SHISAL1: variants seen among roughly 807,000 people sequenced by gnomAD.
The protein encoded by SHISAL1 is protein shisa-like-1.
Under a neutral mutation model 22.6 loss-of-function variants are expected in SHISAL1, and 9 were observed. The ratio of observed to expected loss-of-function variants is 0.40; its 90% confidence interval spans 0.24 to 0.70. SHISAL1 has a LOEUF of 0.70. Ranked by LOEUF, SHISAL1 falls within the 30% of genes least tolerant of loss-of-function variation. The probability of loss-of-function intolerance (pLI) is 0.39; values close to 1 mark genes in which losing one functional copy is unlikely to be tolerated. For synonymous variants in SHISAL1, 119 were observed against 115.4 expected (o/e 1.03, Z -0.20); for missense variants, 246 against 270.6 (o/e 0.91, Z 0.64).
At chr22:44,285,117 C>A (rs2055303857) in intron 4 of SHISAL1, among the ~76,000 whole-genome samples, 1 of 152,186 alleles carries the variant, frequency 6.6e-6, no homozygotes, top group Non-Finnish European at 1.5e-5. Context: ...TTCCCCTTTG[C>A]CTTGGCAGCT....
intron 4 of SHISAL1, among the ~76,000 whole-genome samples, chr22:44,268,596 G>A (rs1266945635): frequency 1.3e-5 from 2 of 152,220 alleles, no homozygotes; most frequent in African/African-American, 2.4e-5. Flanking sequence ...CCCCCCAGAA[G>A]ACTCAGTCCA....
chr22:44,315,874 C>T (rs958729142), upstream of SHISAL1, among the ~76,000 whole-genome samples: 1 of 152,050 alleles, frequency 6.6e-6, no homozygotes, highest in Non-Finnish European at 1.5e-5. Flanking sequence ...GGCAGCAGTT[C>T]CCCGGCCTCA....
At chr22:44,265,212 A>T (rs1000758956) in intron 4 of SHISAL1, among the ~76,000 whole-genome samples, 1 of 152,148 alleles carries the variant, frequency 6.6e-6, no homozygotes, top group African/African-American at 2.4e-5. Flanking sequence ...ATGGGGACGG[A>T]GGCAAGTGGC....
At chr22:44,286,880 C>T (rs1211644033) in intron 3 of SHISAL1, among the ~76,000 whole-genome samples, 1 of 152,210 alleles carries the variant, frequency 6.6e-6, no homozygotes, top group Non-Finnish European at 1.5e-5. Context: ...ACTCCGGCGC[C>T]GCCTCCGTCT....
chr22:44,253,425 ATGTTT>A (rs1434242851), intron 4 of SHISAL1, among the ~76,000 whole-genome samples: 63 of 107,872 alleles, frequency 5.8e-4, no homozygotes, highest in African/African-American at 1.9e-3. Flanking sequence ...GTATTAGTGC[ATGTTT>A]TTTTTTTTTT....
chr22:44,300,567 C>T (rs566412169), intron 2 of SHISAL1, among the ~76,000 whole-genome samples: 15 of 152,320 alleles, frequency 9.8e-5, no homozygotes, highest in Non-Finnish European at 1.9e-4. Context: ...ACTGCCTAAC[C>T]TTGTCTCGCA....
intron 1 of SHISAL1, among the ~76,000 whole-genome samples, chr22:44,311,724 C>T (rs1201204615): frequency 6.6e-6 from 1 of 152,214 alleles, no homozygotes; most frequent in Non-Finnish European, 1.5e-5. Flanking sequence ...GCCCTAGATG[C>T]CCCACTGTCC....
At chr22:44,250,900 A>G (rs1163867642) in intron 4 of SHISAL1, among the ~76,000 whole-genome samples, 2 of 152,242 alleles carry the variant, frequency 1.3e-5, no homozygotes, top group Non-Finnish European at 2.9e-5. Flanking sequence ...CGACCAAGCC[A>G]GCAAAGCCCA....
chr22:44,288,842 C>T (rs943950921), intron 3 of SHISAL1, among the ~76,000 whole-genome samples: 1 of 152,222 alleles, frequency 6.6e-6, no homozygotes, highest in African/African-American at 2.4e-5. Context: ...ACCCTGCATT[C>T]TCAAAGCCAC....
chr22:44,253,935 G>C (rs531559683), intron 4 of SHISAL1, among the ~76,000 whole-genome samples: 1 of 151,796 alleles, frequency 6.6e-6, no homozygotes, highest in South Asian at 2.1e-4. Context: ...CACAAAGAAA[G>C]TAAATTCCAA....
At chr22:44,313,676 C>G (rs1024105436), upstream of SHISAL1, among the ~76,000 whole-genome samples, 1 of 151,996 alleles carries the variant, frequency 6.6e-6, no homozygotes. Context: ...GTGCCAGGCA[C>G]CCCCCCAGCC....
In SHISAL1 at chr22:44,248,134, A is replaced by G. The variant is rs2055019006; in HGVS notation, c.*1551T>C. On this transcript the variant is annotated 3_prime_UTR_variant, in exon 5 of 5. Coordinates refer to ENST00000381176, the MANE Select transcript of SHISAL1 (RefSeq NM_001099294.2). ...GAGTTCCTGGCACTGAGTTCCCGGC[A>G]GAGCACTCACTGCCTTCGCCACCTT... 6.6e-6 allele frequency: 1 copy of G among 152,274 alleles called. No homozygotes were observed. The highest frequency in any genetic ancestry group is 2.4e-5 in the African/African-American group (1 of 41,442). The allele number at this position is 152,274 out of a possible 1,614,324, so 9.4% of individuals were successfully genotyped here.
At chr22:44,317,407 C>T (rs1228569757), upstream of SHISAL1, among the ~76,000 whole-genome samples, 1 of 152,222 alleles carries the variant, frequency 6.6e-6, no homozygotes, top group African/African-American at 2.4e-5. Flanking sequence ...CAGGTGCTTT[C>T]AAAGGTGGTA....
chr22:44,279,741 C>T lies in SHISAL1; in HGVS notation c.599+5687G>A, dbSNP rs541068624. On this transcript the variant is annotated intron_variant, in intron 4 of 4. Transcript: ENST00000381176. The stretch of plus-strand genomic sequence containing the variant: ...CTGTCTCTTCAGGTGGCCTGAAGTC[C>T]CCAGGGTCCAGGGTGACGGAGCCAG... 2.6e-5 allele frequency among the ~76,000 whole-genome samples: 4 copies of T among 152,316 alleles called. No homozygotes were observed. The South Asian group carries it at 8.3e-4, about 32-fold the overall frequency.
At chr22:44,277,449 C>CAAACA (rs59568852) in intron 4 of SHISAL1, among the ~76,000 whole-genome samples, 7,781 of 150,576 alleles carry the variant, frequency 0.052, 238 homozygotes, top group African/African-American at 0.081. Context: ...ACTCTGCCTC[C>CAAACA]AAACAAAACA....
At chr22:44,329,556 G>A in the SHISAL1 span, among the ~76,000 whole-genome samples, 1 of 152,194 alleles carries the variant, frequency 6.6e-6, no homozygotes, top group African/African-American at 2.4e-5. Context: ...GCAGCGTGAA[G>A]ATGACATTAA....
upstream of SHISAL1, among the ~76,000 whole-genome samples, chr22:44,316,045 G>A (rs1317819161): frequency 6.6e-6 from 1 of 152,186 alleles, no homozygotes; most frequent in East Asian, 1.9e-4. Context: ...TGCAGTGCCC[G>A]TGACAGACCT....
intron 4 of SHISAL1, among the ~76,000 whole-genome samples, chr22:44,282,129 A>G (rs933514268): frequency 3.3e-5 from 5 of 152,302 alleles, no homozygotes; most frequent in African/African-American, 1.2e-4. Context: ...CTCACCCACC[A>G]AACCCAAGGG....
chr22:44,252,041 G>A (rs9614223), intron 4 of SHISAL1, among the ~76,000 whole-genome samples: 20,720 of 152,204 alleles, frequency 0.14, 1,644 homozygotes, highest in African/African-American at 0.22. Flanking sequence ...AGCAATGAGC[G>A]TAGAATTTGT....
Sources: allele counts gnomAD v4.1 joint callset (sites outside exome capture counted in the v4.1 genomes callset), GRCh38; gene constraint gnomAD v4.1.1; transcripts MANE v1.5; gene names NCBI Gene and HGNC (gene_info 2026-07-23, HGNC 2026-07-21).